Variants in SART3 observed in about 807,000 individuals in gnomAD.
SART3 encodes the protein spliceosome associated factor 3, U4/U6 recycling protein.
Under a neutral mutation model 122.3 loss-of-function variants are expected in SART3, and 44 were observed. The observed-to-expected ratio is 0.36, with a 90% CI of 0.28 to 0.46. The LOEUF (loss-of-function observed/expected upper bound fraction) is 0.46, where lower values mean the gene tolerates loss of function less well. Among genes scored for constraint, SART3 ranks in the 20% least tolerant of loss-of-function variants. The pLI is 1.00. For missense variants in SART3, 1,101 were observed against 1,229.0 expected (o/e 0.90, Z 1.56); for synonymous variants, 442 against 454.0 (o/e 0.97, Z 0.34).
intron 15 of SART3, 134 bp downstream of exon 15, chr12:108,530,008 T>C (rs1397033902): frequency 2.7e-5 from 28 of 1,047,858 alleles, no homozygotes; most frequent in Non-Finnish European, 3.8e-5. Flanking sequence ...TTGCAAGACA[T>C]ACACCCTAAC....
chr12:108,545,374 C>T (rs769350233), intron 3 of SART3, 51 bp from the exon 4 acceptor site: 1 of 1,578,154 alleles, frequency 6.3e-7, no homozygotes, highest in East Asian at 2.2e-5. Flanking sequence ...ACCCAAATAT[C>T]AAAACTGATG....
intron 1 of SART3, among the ~76,000 whole-genome samples, chr12:108,555,198 C>T (rs1017321922): frequency 4.6e-5 from 7 of 152,252 alleles, no homozygotes; most frequent in South Asian, 2.1e-4. Context: ...GCAAAGTTTA[C>T]GTTATATGTT....
intron 15 of SART3, among the ~76,000 whole-genome samples, 169 bp downstream of exon 15, chr12:108,529,973 A>C (rs1213557395): frequency 2.0e-5 from 3 of 152,202 alleles, no homozygotes; most frequent in African/African-American, 7.2e-5. Flanking sequence ...GCTGCATTCT[A>C]GTCATGTAGA....
intron 1 of SART3, among the ~76,000 whole-genome samples, chr12:108,556,409 T>C (rs1231610021): frequency 6.6e-6 from 1 of 152,248 alleles, no homozygotes; most frequent in African/African-American, 2.4e-5. Flanking sequence ...GAAACTCTTG[T>C]ACATGATGTG....
chr12:108,537,423 C>T, intron 9 of SART3, 65 bp downstream of exon 9: 1 of 1,233,628 alleles, frequency 8.1e-7, no homozygotes, highest in Non-Finnish European at 1.2e-6. Flanking sequence ...GGAACTGGGA[C>T]ATCTCGCCAA....
intron 15 of SART3, 99 bp from the exon 16 acceptor site, chr12:108,526,652 G>A: frequency 1.6e-6 from 2 of 1,274,470 alleles, no homozygotes; most frequent in South Asian, 1.2e-5. Flanking sequence ...ACAGCTGCAT[G>A]TGACACTTAC....
intron 1 of SART3, among the ~76,000 whole-genome samples, chr12:108,555,913 C>A (rs1024224378): frequency 6.6e-6 from 1 of 152,138 alleles, no homozygotes; most frequent in Admixed American, 6.5e-5. Flanking sequence ...TACCAGATAG[C>A]AAGCCTTAGC....
chr12:108,526,223 C>T lies in SART3; in HGVS notation c.2246G>A (p.Cys749Tyr). ...TTTCTCTTCTTTAAACTCCACGTAGCAGTAACCTCGGAAATCCCCACGGTT... is the reference window on the plus strand; with the variant it reads ...TTTCTCTTCTTTAAACTCCACGTAGTAGTAACCTCGGAAATCCCCACGGTT... ...FSNRGDFRGY[C>Y]YVEFKEEKSA... is the part of the protein sequence containing the mutation. The change falls in exon 16 of 19, where the codon TGC (cysteine) becomes TAC (tyrosine). Residue 749 changes from cysteine to tyrosine, a missense_variant. By Grantham distance (194) the Cys-to-Tyr change is radical. Transcript: ENST00000546815. The T allele has an allele frequency of 6.2e-7, 1 of 1,614,200 alleles. No individual in the cohort carries two copies. Among genetic ancestry groups the T allele is most frequent in the Non-Finnish European group, 8.5e-7 (1 of 1,180,034 alleles).
At chr12:108,536,657 T>C (rs1430774102) in intron 10 of SART3, 51 bp downstream of exon 10, 9 of 1,608,714 alleles carry the variant, frequency 5.6e-6, no homozygotes, top group Non-Finnish European at 7.7e-6. Context: ...CAGGAAATAG[T>C]ACAGACAAGG....
At chr12:108,528,942 C>T (rs749751202) in intron 15 of SART3, among the ~76,000 whole-genome samples, 1 of 152,106 alleles carries the variant, frequency 6.6e-6, no homozygotes, top group South Asian at 2.1e-4. Flanking sequence ...GCCAACATGG[C>T]GAAACCTGAT....
chr12:108,532,403 T>C, intron 12 of SART3, 69 bp from the exon 13 acceptor site: 1 of 1,297,864 alleles, frequency 7.7e-7, no homozygotes, highest in Non-Finnish European at 1.1e-6. Flanking sequence ...GGAGAGGCCG[T>C]CTTCTCCCAG....
intron 4 of SART3, 59 bp downstream of exon 4, chr12:108,545,076 ATCCT>A: frequency 6.8e-7 from 1 of 1,479,770 alleles, no homozygotes; most frequent in Non-Finnish European, 9.5e-7. Flanking sequence ...TTTCAAAATA[ATCCT>A]TCCAAGGAGA....
chr12:108,544,429 T>C lies in SART3; in HGVS notation c.779A>G (p.Tyr260Cys). The stretch of plus-strand genomic sequence containing the variant: ...GTTGACATGTCAGTTTCTCTTACCA[T>C]AGAGTGGGATCGCCAACTGTCGCCG... ...LFRRQLAIPL[Y>C]DMEATFAEYE... Residue 260 changes from tyrosine to cysteine, a missense_variant and splice_region_variant, in exon 5 of 19, where the codon TAT becomes TGT. By Grantham distance (194) the Tyr-to-Cys change is radical (BLOSUM62 -2). Around this residue, in one of 2 missense-constraint regions of SART3, gnomAD observed 885 missense variants for 1,080.1 expected, o/e 0.82. Transcript: ENST00000546815. The C allele has an allele frequency of 2.5e-6, 4 of 1,613,594 alleles. No homozygotes were observed. The highest frequency in any genetic ancestry group is 3.4e-6 in the Non-Finnish European group (4 of 1,179,478).
At chr12:108,541,791 G>A (rs965381427) in intron 6 of SART3, among the ~76,000 whole-genome samples, 22 of 151,932 alleles carry the variant, frequency 1.4e-4, no homozygotes, top group African/African-American at 4.4e-4. Flanking sequence ...ACCTGCCTTG[G>A]GCTCCGAAAG....
intron 8 of SART3, 41 bp from the exon 9 acceptor site, chr12:108,537,636 T>C (rs985407445): frequency 1.0e-5 from 15 of 1,465,472 alleles, no homozygotes; most frequent in African/African-American, 8.4e-5. Flanking sequence ...CCAATTCAAA[T>C]GGAAACTAAT....
At chr12:108,537,433 A>G (rs970473482) in intron 9 of SART3, 55 bp downstream of exon 9, 2 of 1,403,038 alleles carry the variant, frequency 1.4e-6, no homozygotes, top group East Asian at 2.3e-5. Context: ...CATCTCGCCA[A>G]AAGTTGTATT....
intron 1 of SART3, among the ~76,000 whole-genome samples, chr12:108,557,033 T>C (rs1382603114): frequency 1.3e-5 from 2 of 152,146 alleles, no homozygotes; most frequent in Non-Finnish European, 2.9e-5. Flanking sequence ...AAACTTCTGA[T>C]TTTTAGGGTA....
intron 1 of SART3, among the ~76,000 whole-genome samples, chr12:108,555,387 G>A (rs2030173938): frequency 1.3e-5 from 2 of 152,284 alleles, no homozygotes; most frequent in South Asian, 2.1e-4. Flanking sequence ...AGACTTGGCC[G>A]GGGGCGGTGG....
chr12:108,522,281 A>C lies in SART3; in HGVS notation c.*1176T>G, dbSNP rs183965156. Among the ~76,000 whole-genome samples the C allele has an allele frequency of 6.6e-6, 1 of 152,266 alleles. No homozygotes were observed. The highest frequency in any genetic ancestry group is 6.5e-5 in the Admixed American group (1 of 15,304). Reference sequence around the variant, plus strand: ...TTAATCGGTTATATTAAAAAATGTTAAGTTAAAAAAATATAGAAAACCCGA... The same window carrying C: ...TTAATCGGTTATATTAAAAAATGTTCAGTTAAAAAAATATAGAAAACCCGA... On this transcript the variant is annotated 3_prime_UTR_variant, in exon 19 of 19. Transcript: ENST00000546815.
Sources: gnomAD v4.1 joint callset for allele counts (sites outside exome capture counted in the v4.1 genomes callset) on GRCh38, gnomAD v4.1.1 for gene constraint, gnomAD v4.1.1 regional missense constraint, MANE v1.5 for transcripts, NCBI Gene and HGNC (gene_info 2026-07-23, HGNC 2026-07-21) for gene names.